Variants in CACNA2D3 observed in about 807,000 individuals in gnomAD.
CACNA2D3 encodes the protein voltage-dependent calcium channel subunit alpha-2/delta-3.
In CACNA2D3, 60 loss-of-function variants were observed where a neutral mutation model predicts 160.6. The observed-to-expected ratio is 0.37, with a 90% CI of 0.30 to 0.46. The LOEUF is 0.46. Ranked by LOEUF, CACNA2D3 falls within the 20% of genes least tolerant of loss-of-function variation. The pLI is 1.00. For missense variants in CACNA2D3, 1,205 were observed against 1,365.0 expected, an observed-to-expected ratio of 0.88 and a Z score of 1.85; for synonymous variants, 558 against 492.9, an observed-to-expected ratio of 1.13 and a Z score of -1.75.
intron 16 of CACNA2D3, among the ~76,000 whole-genome samples, chr3:54,840,694 C>T (rs1302280076): frequency 6.7e-6 from 1 of 149,838 alleles, no homozygotes; most frequent in Non-Finnish European, 1.5e-5. Flanking sequence ...CAGGCGTGAG[C>T]CACTGCACCC....
chr3:55,062,829 A>G (rs752272890), intron 35 of CACNA2D3, among the ~76,000 whole-genome samples: 2 of 152,194 alleles, frequency 1.3e-5, no homozygotes, highest in Non-Finnish European at 2.9e-5. Flanking sequence ...TAACTCTTCC[A>G]TTTGTTTTCC....
Position 54,752,512 on chromosome 3 carries a change from A to G in CACNA2D3, c.1168-87A>G, listed in dbSNP as rs972725438. 2.1e-5 allele frequency: 17 copies of G among 826,736 alleles called. No homozygotes were observed. The African/African-American group carries it at 2.5e-4, about 12-fold the overall frequency. The allele number at this position is 826,736 out of a possible 1,614,324, so 51.2% of individuals were successfully genotyped here. On this transcript the variant is annotated intron_variant, in intron 11 of 37. Coordinates refer to ENST00000474759, the MANE Select transcript of CACNA2D3 (RefSeq NM_018398.3). ...GGAAGCATGGAGCATTAAAGAGGTA[A>G]GCCACATGTGTGTGAGCCATGCATG...
At chr3:54,503,722 TGG>T in intron 5 of CACNA2D3, 68 bp downstream of exon 5, 1 of 1,414,306 alleles carries the variant, frequency 7.1e-7, no homozygotes, top group Non-Finnish European at 9.9e-7. Context: ...AGGGGCTGGC[TGG>T]TTTGGGATAT....
At chr3:54,622,273 T>TTTTG (rs565279317) in intron 9 of CACNA2D3, among the ~76,000 whole-genome samples, 6 of 152,100 alleles carry the variant, frequency 3.9e-5, no homozygotes, top group Non-Finnish European at 5.9e-5. Flanking sequence ...CAGTTCAGTT[T>TTTTG]TTTGTTTGTT....
chr3:54,887,737 C>T (rs893904311), intron 23 of CACNA2D3, among the ~76,000 whole-genome samples: 5 of 152,176 alleles, frequency 3.3e-5, no homozygotes, highest in African/African-American at 1.2e-4. Flanking sequence ...CCAAGGCTCT[C>T]AGTTGACTAC....
rs181607242 is a variant in CACNA2D3 at position 54,358,631 on chromosome 3, A to T, written c.322-28084A>T. On this transcript the variant is annotated intron_variant, in intron 3 of 37. Transcript: ENST00000474759. ...CTAGGGGGAGCTGCCTGGGCAAGGCATCTCCCTGCTGGCTGTGGCTTCTTC... is the reference window on the plus strand; with the variant it reads ...CTAGGGGGAGCTGCCTGGGCAAGGCTTCTCCCTGCTGGCTGTGGCTTCTTC... 3.3e-5 allele frequency among the ~76,000 whole-genome samples: 5 copies of T among 152,364 alleles called. No homozygotes were observed. In the East Asian group the frequency reaches 9.6e-4, roughly 29 times the overall value.
At chr3:54,366,958 C>CA (rs1698837200) in intron 3 of CACNA2D3, among the ~76,000 whole-genome samples, 1 of 152,112 alleles carries the variant, frequency 6.6e-6, no homozygotes, top group African/African-American at 2.4e-5. Flanking sequence ...AAGCAGAGAG[C>CA]AAAGAAAACA....
intron 11 of CACNA2D3, among the ~76,000 whole-genome samples, chr3:54,660,829 C>T (rs938033216): frequency 5.3e-5 from 8 of 152,294 alleles, no homozygotes; most frequent in Middle Eastern, 3.4e-3. Flanking sequence ...AAGATCTCCA[C>T]GTGAAAGTGG....
intron 2 of CACNA2D3, among the ~76,000 whole-genome samples, chr3:54,171,331 C>T (rs1038226635): frequency 2.6e-5 from 4 of 151,746 alleles, no homozygotes; most frequent in Non-Finnish European, 4.4e-5. Flanking sequence ...CTGACAGGCC[C>T]TGCAGTCTTC....
chr3:54,267,210 G>A (rs1702534542), intron 2 of CACNA2D3, among the ~76,000 whole-genome samples: 1 of 152,174 alleles, frequency 6.6e-6, no homozygotes, highest in Non-Finnish European at 1.5e-5. Flanking sequence ...TGTACTCAGT[G>A]TGTTTCTACC....
intron 9 of CACNA2D3, chr3:54,626,684 C>CAAAAAAAAAAAAAAAAAA (rs71096430): frequency 2.2e-5 from 7 of 318,292 alleles, no homozygotes; most frequent in African/African-American, 1.4e-4. Context: ...TGGTTCCAGT[C>CAAAAAAAAAAAAAAAAAA]AAAAAAAAAA....
intron 11 of CACNA2D3, among the ~76,000 whole-genome samples, chr3:54,682,283 GTTC>G (rs1250620934): frequency 1.3e-5 from 2 of 151,920 alleles, no homozygotes; most frequent in African/African-American, 4.8e-5. Context: ...CAGACTTAAA[GTTC>G]TTCTTTATGT....
intron 8 of CACNA2D3, 127 bp downstream of exon 8, chr3:54,570,231 C>T: frequency 1.0e-6 from 1 of 990,362 alleles, no homozygotes. Context: ...CCTGGTTAGT[C>T]TCATGAAAGT....
chr3:54,929,441 A>G (rs781526157), intron 27 of CACNA2D3, among the ~76,000 whole-genome samples: 2 of 152,224 alleles, frequency 1.3e-5, no homozygotes, highest in Non-Finnish European at 2.9e-5. Flanking sequence ...CTCTGCAGGT[A>G]CAAAGGGAAG....
intron 2 of CACNA2D3, among the ~76,000 whole-genome samples, chr3:54,316,864 G>T (rs912572252): frequency 2.0e-5 from 3 of 152,186 alleles, no homozygotes. Flanking sequence ...ACAGGTAACA[G>T]ATATGGCCAG....
At chr3:54,301,013 CTG>C (rs1420813404) in intron 2 of CACNA2D3, among the ~76,000 whole-genome samples, 1 of 150,326 alleles carries the variant, frequency 6.7e-6, no homozygotes, top group African/African-American at 2.5e-5. Flanking sequence ...AGAGTGAGAA[CTG>C]TGTCCCTTTA....
At position 54,391,691 on chromosome 3, in the gene CACNA2D3, T is replaced by A. The variant is rs1380899166; in HGVS notation, c.381+4917T>A. ...ACACCCAGCTACTTCTTGTATTTTTTGTGGATACCGGGTTTCACCATGTTG... is the reference window on the plus strand; with the variant it reads ...ACACCCAGCTACTTCTTGTATTTTTAGTGGATACCGGGTTTCACCATGTTG... On this transcript the variant is annotated intron_variant, in intron 4 of 37. Coordinates refer to ENST00000474759, the MANE Select transcript of CACNA2D3 (RefSeq NM_018398.3). Among the ~76,000 whole-genome samples, 4 of 152,060 alleles carry A rather than the reference T, an allele frequency of 2.6e-5. No individual in the cohort carries two copies. In the East Asian group the frequency reaches 5.8e-4, roughly 22 times the overall value.
intron 2 of CACNA2D3, among the ~76,000 whole-genome samples, chr3:54,174,674 G>A (rs578096053): frequency 6.6e-6 from 1 of 152,146 alleles, no homozygotes; most frequent in East Asian, 1.9e-4. Flanking sequence ...ACAGGCGCCC[G>A]CCACCACGCC....
chr3:55,052,257 A>T (rs891081682), intron 35 of CACNA2D3, among the ~76,000 whole-genome samples: 1 of 152,106 alleles, frequency 6.6e-6, no homozygotes, highest in Non-Finnish European at 1.5e-5. Context: ...CTTTTCTGTT[A>T]CTGATTTGGA....
Sources: allele counts gnomAD v4.1 joint callset (sites outside exome capture counted in the v4.1 genomes callset), GRCh38; gene constraint gnomAD v4.1.1; transcripts MANE v1.5; gene names NCBI Gene and HGNC (gene_info 2026-07-23, HGNC 2026-07-21).